Variants in CHERP observed in about 807,000 individuals in gnomAD.
CHERP encodes the protein ERPROT 213-21.
CHERP carries 8 observed loss-of-function variants against 113.8 expected under a neutral mutation model. The observed-to-expected ratio is 0.07, with a 90% confidence interval of 0.04 to 0.13. The LOEUF (loss-of-function observed/expected upper bound fraction) is 0.13. Ranked by LOEUF, CHERP falls within the 10% of genes least tolerant of loss-of-function variation. The pLI is 1.00. For synonymous variants in CHERP, 559 were observed against 524.5 expected, an observed-to-expected ratio of 1.07 and a Z score of -0.90; for missense variants, 884 against 1,298.2, an observed-to-expected ratio of 0.68 and a Z score of 4.90.
intron 2 of CHERP, among the ~76,000 whole-genome samples, chr19:16,536,224 C>T (rs1449164577): frequency 6.6e-6 from 1 of 152,210 alleles, no homozygotes; most frequent in Non-Finnish European, 1.5e-5. Flanking sequence ...GACCCCTCTG[C>T]ATTCAGGGGT....
At position 16,520,045 on chromosome 19, in the gene CHERP, G is replaced by T; in HGVS notation, c.2462+104C>A. ...TGCCACTGTCCCCGGGCTAATGCTG[G>T]CGGCCTCCTAACACAGTCTCCTAAC... On this transcript the variant is annotated intron_variant, in intron 15 of 16. Coordinates refer to ENST00000546361, the MANE Select transcript of CHERP (RefSeq NM_006387.6). The surrounding 1 kb of genome is among the most constrained non-coding windows in gnomAD (Gnocchi z 4.0). 8.3e-7 allele frequency: 1 copy of T among 1,208,832 alleles called. No homozygotes were observed. Among genetic ancestry groups the T allele is most frequent in the Non-Finnish European group, 1.2e-6 (1 of 838,536 alleles). 74.9% of individuals were successfully genotyped at this position (1,208,832 alleles called of 1,614,324 possible).
chr19:16,533,230 G>T, intron 3 of CHERP, 82 bp from the exon 4 acceptor site: 1 of 1,405,740 alleles, frequency 7.1e-7, no homozygotes, highest in Non-Finnish European at 9.7e-7. Context: ...CAGCAGGGGC[G>T]GGGTGGGGAC....
At chr19:16,522,732 G>A (rs1276532078) in intron 11 of CHERP, among the ~76,000 whole-genome samples, 1 of 152,152 alleles carries the variant, frequency 6.6e-6, no homozygotes, top group Non-Finnish European at 1.5e-5. Flanking sequence ...AGCAGCCCTG[G>A]GACAAGGTGC....
chr19:16,529,970 A>T (rs2085687747), intron 7 of CHERP, 70 bp from the exon 8 acceptor site: 2 of 1,533,838 alleles, frequency 1.3e-6, no homozygotes, highest in East Asian at 4.8e-5. Context: ...CCAGAGGACA[A>T]ACGCCTGGAA....
chr19:16,529,213 T>C (rs2085678520), intron 8 of CHERP, among the ~76,000 whole-genome samples: 2 of 152,188 alleles, frequency 1.3e-5, no homozygotes, highest in Non-Finnish European at 2.9e-5. Context: ...AGACGGGGTT[T>C]CACCATGTTG....
Position 16,525,776 on chromosome 19 carries a change from T to C in CHERP, c.1306-99A>G, listed in dbSNP as rs1454062124. The stretch of plus-strand genomic sequence containing the variant: ...AGCATCACAGCGCTGGCTCAGACCA[T>C]GGAGGCGCTGCCCTGGCCACGTTGA... On this transcript the variant is annotated intron_variant, in intron 9 of 16. Transcript: ENST00000546361. This position sits in a 1 kb window ranked among gnomAD's most constrained non-coding sequence, Gnocchi z 6.5. 3 of 1,174,544 alleles carry C rather than the reference T, an allele frequency of 2.6e-6. No individual in the cohort carries two copies. The highest frequency in any genetic ancestry group is 2.6e-4 in the Middle Eastern group (1 of 3,872). The allele number at this position is 1,174,544 out of a possible 1,614,324, so 72.8% of individuals were successfully genotyped here. A position where few individuals can be genotyped will look rare whatever the true frequency, so the allele number is the denominator to read the frequency against.
rs951455372 is a variant in CHERP at position 16,527,979 on chromosome 19, T to TC, written c.1305+100dup. 9 of 1,165,326 alleles carry TC rather than the reference T, an allele frequency of 7.7e-6. No individual in the cohort carries two copies. The Admixed American group carries it at 1.3e-4, about 16-fold the overall frequency. The allele number at this position is 1,165,326 out of a possible 1,614,324, so 72.2% of individuals were successfully genotyped here. A position where few individuals can be genotyped will look rare whatever the true frequency, so the allele number is the denominator to read the frequency against. On this transcript the variant is annotated intron_variant, in intron 9 of 16. Coordinates refer to ENST00000546361, the MANE Select transcript of CHERP (RefSeq NM_006387.6). ...TCTGCCACAGAATATCCCTCATTGTTCCCCAGTAAGCCACTCAACGCCCAC... is the reference window on the plus strand; with the variant it reads ...TCTGCCACAGAATATCCCTCATTGTTCCCCCAGTAAGCCACTCAACGCCCAC...
At position 16,535,340 on chromosome 19, in the gene CHERP, C is replaced by A; in HGVS notation, c.384+112G>T. 8.5e-7 allele frequency: 1 copy of A among 1,172,190 alleles called. No individual in the cohort carries two copies. Among genetic ancestry groups the A allele is most frequent in the Admixed American group, 2.2e-5 (1 of 45,924 alleles). 72.6% of individuals were successfully genotyped at this position (1,172,190 alleles called of 1,614,324 possible). On this transcript the variant is annotated intron_variant, in intron 3 of 16. Coordinates refer to ENST00000546361, the MANE Select transcript of CHERP (RefSeq NM_006387.6). This position sits in a 1 kb window ranked among gnomAD's most constrained non-coding sequence, Gnocchi z 4.3. The stretch of plus-strand genomic sequence containing the variant: ...CTGACATGCACCGAGCCCTGGGTGG[C>A]AGGGGGGGCCCTGTCCTCACTGACA...
rs890458892 is a variant in CHERP, at chr19:16,523,343, C to T, written c.1742-53G>A. Reference sequence around the variant, plus strand: ...CACAGGCCAGTCAGGATCTCCCAGGCGACAAGTGCTGGAGGGGAGGGGCTC... The same window carrying T: ...CACAGGCCAGTCAGGATCTCCCAGGTGACAAGTGCTGGAGGGGAGGGGCTC... On this transcript the variant is annotated intron_variant, in intron 10 of 16. Coordinates refer to ENST00000546361, the MANE Select transcript of CHERP (RefSeq NM_006387.6). The surrounding 1 kb of genome is among the most constrained non-coding windows in gnomAD (Gnocchi z 4.0). The T allele has an allele frequency of 1.5e-5, 24 of 1,595,406 alleles. No homozygotes were observed. The highest frequency in any genetic ancestry group is 3.5e-4 in the Middle Eastern group (2 of 5,644).
At position 16,523,205 on chromosome 19, in the gene CHERP, G is replaced by A. The variant is rs1348019257; in HGVS notation, c.1827C>T (p.His609=). 6.3e-7 allele frequency: 1 copy of A among 1,590,300 alleles called. No homozygotes were observed. Among genetic ancestry groups the A allele is most frequent in the South Asian group, 1.1e-5 (1 of 89,232 alleles). ...CATGGGGGGGAGGGCCGAAGTCAGG[G>A]TGCTGGGGTCCAGCCCAAGGCGGGT... ...NEHPPWAGPQ[H]PDFGPPPHGF... is the part of the protein sequence containing the mutation. The change falls in exon 11 of 17, where the codon CAC becomes CAT. Residue 609 remains histidine (H), a synonymous_variant. Coordinates refer to ENST00000546361, the MANE Select transcript of CHERP (RefSeq NM_006387.6). This position sits in a 1 kb window ranked among gnomAD's most constrained non-coding sequence, Gnocchi z 4.0.
chr19:16,542,163 G>A, intron 1 of CHERP, 120 bp from the exon 2 acceptor site: 1 of 1,246,860 alleles, frequency 8.0e-7, no homozygotes, highest in South Asian at 1.5e-5. Context: ...CCCCGAAGAG[G>A]CCGCCCTTGT....
chr19:16,524,533 G>T (rs2085643093), intron 10 of CHERP, among the ~76,000 whole-genome samples: 2 of 148,874 alleles, frequency 1.3e-5, no homozygotes, highest in South Asian at 4.2e-4. Context: ...TCCAGCCTGG[G>T]CAACAGGGTG....
Position 16,535,676 on chromosome 19 carries a change from A to C in CHERP, c.200-40T>G. 6.8e-7 allele frequency: 1 copy of C among 1,463,922 alleles called. No individual in the cohort carries two copies. Among genetic ancestry groups the C allele is most frequent in the Non-Finnish European group, 9.0e-7 (1 of 1,109,712 alleles). 90.7% of individuals were successfully genotyped at this position (1,463,922 alleles called of 1,614,324 possible). A position where few individuals can be genotyped will look rare whatever the true frequency, so the allele number is the denominator to read the frequency against. On this transcript the variant is annotated intron_variant, in intron 2 of 16. Coordinates refer to ENST00000546361, the MANE Select transcript of CHERP (RefSeq NM_006387.6). The surrounding 1 kb of genome is among the most constrained non-coding windows in gnomAD (Gnocchi z 4.3). Reference sequence around the variant, plus strand: ...GGAGGGGTGCCCCATGAGAATGCAGATGGGGGTCTAGGTGTCCCCTTGGCC... The same window carrying C: ...GGAGGGGTGCCCCATGAGAATGCAGCTGGGGGTCTAGGTGTCCCCTTGGCC...
intron 11 of CHERP, among the ~76,000 whole-genome samples, chr19:16,522,687 T>A (rs558682321): frequency 7.2e-5 from 11 of 152,246 alleles, no homozygotes; most frequent in Non-Finnish European, 1.3e-4. Context: ...TAGGCACAGC[T>A]CACAGGTGGC....
rs2085667947 is a variant in CHERP, at chr19:16,527,996, A to G, written c.1305+84T>C. 6 of 1,357,410 alleles carry G rather than the reference A, an allele frequency of 4.4e-6. No individual in the cohort carries two copies. In the Admixed American group the frequency reaches 1.1e-4, roughly 26 times the overall value. 84.1% of individuals were successfully genotyped at this position (1,357,410 alleles called of 1,614,324 possible). A position where few individuals can be genotyped will look rare whatever the true frequency, so the allele number is the denominator to read the frequency against. On this transcript the variant is annotated intron_variant, in intron 9 of 16. Coordinates refer to ENST00000546361, the MANE Select transcript of CHERP (RefSeq NM_006387.6). ...CTCATTGTTCCCCAGTAAGCCACTC[A>G]ACGCCCACCAACTGGCATAGGGGAG... is the stretch of plus-strand genomic sequence containing the variant.
At chr19:16,533,512 C>A (rs1029013574) in intron 3 of CHERP, among the ~76,000 whole-genome samples, 15 of 152,236 alleles carry the variant, frequency 9.9e-5, no homozygotes. Flanking sequence ...AATCCCAGCA[C>A]TTTGGGAGGC....
intron 2 of CHERP, among the ~76,000 whole-genome samples, chr19:16,538,696 A>C (rs904545922): frequency 1.6e-4 from 25 of 152,140 alleles, no homozygotes; most frequent in Non-Finnish European, 3.1e-4. Flanking sequence ...AAAAAAAAAG[A>C]AAGCACTTCT....
In CHERP at chr19:16,523,059, A is replaced by AG; in HGVS notation, c.1972dup (p.Leu658ProfsTer15). Reference sequence around the variant, plus strand: ...CCCACTGTGGGGCATTACCTTCACGAGGGGGGCCATCAGCCCAGCAGGGAG... The same window carrying AG: ...CCCACTGTGGGGCATTACCTTCACGAGGGGGGGCCATCAGCCCAGCAGGGAG... On this transcript the variant is annotated frameshift_variant, in exon 11 of 17. Transcript: ENST00000546361. LOFTEE classifies it high-confidence loss of function. The surrounding 1 kb of genome is among the most constrained non-coding windows in gnomAD (Gnocchi z 4.0). 2 of 1,512,878 alleles carry AG rather than the reference A, an allele frequency of 1.3e-6. No individual in the cohort carries two copies. The highest frequency in any genetic ancestry group is 2.5e-5 in the East Asian group (1 of 39,480). The allele number at this position is 1,512,878 out of a possible 1,614,324, so 93.7% of individuals were successfully genotyped here.
Position 16,525,764 on chromosome 19 carries a change from T to TCGGCAGCATCACAGC in CHERP, c.1306-88_1306-87insGCTGTGATGCTGCCG. On this transcript the variant is annotated intron_variant, in intron 9 of 16. Coordinates refer to ENST00000546361, the MANE Select transcript of CHERP (RefSeq NM_006387.6). This position sits in a 1 kb window ranked among gnomAD's most constrained non-coding sequence, Gnocchi z 6.5. ...ACAGCGCTCGGCAGCATCACAGCGC[T>TCGGCAGCATCACAGC]GGCTCAGACCATGGAGGCGCTGCCC... The TCGGCAGCATCACAGC allele has an allele frequency of 2.2e-5, 28 of 1,275,168 alleles. No homozygotes were observed. Among genetic ancestry groups the TCGGCAGCATCACAGC allele is most frequent in the Non-Finnish European group, 2.7e-5 (26 of 964,042 alleles). The allele number at this position is 1,275,168 out of a possible 1,614,324, so 79.0% of individuals were successfully genotyped here. A position where few individuals can be genotyped will look rare whatever the true frequency, so the allele number is the denominator to read the frequency against.
Sources: allele counts gnomAD v4.1 joint callset (sites outside exome capture counted in the v4.1 genomes callset), GRCh38; gene constraint gnomAD v4.1.1; non-coding constraint Gnocchi (gnomAD v3.1); transcripts MANE v1.5; gene names NCBI Gene and HGNC (gene_info 2026-07-23, HGNC 2026-07-21).